CCDC7: variants seen among roughly 807,000 people sequenced by gnomAD.
The protein encoded by CCDC7 is coiled-coil domain containing 7, also known as coiled-coil domain-containing protein 7.
In CCDC7, 183 loss-of-function variants were observed where a neutral mutation model predicts 196.9. The ratio of observed to expected loss-of-function variants is 0.93; its 90% CI spans 0.82 to 1.05. CCDC7 has a LOEUF of 1.05. Among genes scored for constraint, CCDC7 ranks in the 50% least tolerant of loss-of-function variants. CCDC7 has a pLI of 0.00. For synonymous variants in CCDC7, 525 were observed against 484.6 expected, an observed-to-expected ratio of 1.08 and a Z score of -1.10; for missense variants, 1,540 against 1,482.2, an observed-to-expected ratio of 1.04 and a Z score of -0.64.
intron 25 of CCDC7, among the ~76,000 whole-genome samples, chr10:32,716,759 TA>T (rs2081648441): frequency 6.6e-6 from 1 of 152,146 alleles, no homozygotes; most frequent in Non-Finnish European, 1.5e-5. Flanking sequence ...TAGTCTCTAA[TA>T]AAACAGATTT....
At chr10:32,800,669 A>G (rs546240751) in intron 29 of CCDC7, among the ~76,000 whole-genome samples, 1 of 152,302 alleles carries the variant, frequency 6.6e-6, no homozygotes, top group South Asian at 2.1e-4. Context: ...GAAAGATGGA[A>G]GAAAGATTAA....
intron 13 of CCDC7, among the ~76,000 whole-genome samples, chr10:32,563,914 T>A (rs900967252): frequency 6.6e-6 from 1 of 152,094 alleles, no homozygotes; most frequent in African/African-American, 2.4e-5. Flanking sequence ...GACAAAGGGC[T>A]AATATCCAGA....
chr10:32,512,181 T>G (rs1157825114), intron 9 of CCDC7: 1 of 166,990 alleles, frequency 6.0e-6, no homozygotes. Context: ...AAGATATGAT[T>G]CCTTTTTGGT....
chr10:32,638,455 G>A (rs1489496756), intron 20 of CCDC7, among the ~76,000 whole-genome samples: 2 of 152,136 alleles, frequency 1.3e-5, no homozygotes, highest in Non-Finnish European at 2.9e-5. Context: ...GTTGAATTTT[G>A]TCAAAGGCCT....
intron 8 of CCDC7, among the ~76,000 whole-genome samples, chr10:32,484,775 G>A (rs1197859503): frequency 6.6e-6 from 1 of 152,102 alleles, no homozygotes; most frequent in Non-Finnish European, 1.5e-5. Flanking sequence ...TTTGTTGTTG[G>A]TTCTGTTTAT....
At chr10:32,464,845 C>T (rs1017111648) in intron 5 of CCDC7, among the ~76,000 whole-genome samples, 1 of 152,126 alleles carries the variant, frequency 6.6e-6, no homozygotes, top group South Asian at 2.1e-4. Flanking sequence ...ATTATTCTCT[C>T]TTGTATATTC....
intron 39 of CCDC7, among the ~76,000 whole-genome samples, chr10:32,850,092 T>C (rs1237927102): frequency 6.6e-6 from 1 of 152,148 alleles, no homozygotes; most frequent in South Asian, 2.1e-4. Context: ...ACCAGGATGT[T>C]CTTCACAGAA....
At chr10:32,653,789 A>G (rs1209886628) in intron 20 of CCDC7, among the ~76,000 whole-genome samples, 2 of 152,210 alleles carry the variant, frequency 1.3e-5, no homozygotes, top group African/African-American at 2.4e-5. Context: ...CAATTTGACT[A>G]TGATACATGT....
chr10:32,642,845 AG>A (rs1211618471), intron 20 of CCDC7, among the ~76,000 whole-genome samples: 6 of 152,208 alleles, frequency 3.9e-5, no homozygotes, highest in Admixed American at 3.9e-4. Context: ...TGTATCCTAG[AG>A]TATGGATGAT....
chr10:32,511,810 C>T (rs927268459), intron 9 of CCDC7: 58 of 1,037,340 alleles, frequency 5.6e-5, no homozygotes, highest in Middle Eastern at 6.0e-4. Flanking sequence ...GACAATGACG[C>T]GCCAGCTCTG....
At chr10:32,465,271 ATG>A (rs2036529256) in intron 5 of CCDC7, among the ~76,000 whole-genome samples, 1 of 152,188 alleles carries the variant, frequency 6.6e-6, no homozygotes, top group Admixed American at 6.5e-5. Flanking sequence ...GCCATGGAGC[ATG>A]TGTCACCCAT....
chr10:32,691,283 G>A (rs1342517302), intron 23 of CCDC7, among the ~76,000 whole-genome samples: 2 of 152,126 alleles, frequency 1.3e-5, no homozygotes, highest in Non-Finnish European at 2.9e-5. Context: ...AGGGCTATGT[G>A]TTGGTACCCA....
Position 32,600,614 on chromosome 10 carries a change from A to G in CCDC7, c.1801+16310A>G, listed in dbSNP as rs565728374. 7.4e-4 allele frequency among the ~76,000 whole-genome samples: 112 copies of G among 152,250 alleles called. 1 individual carries two copies. Among genetic ancestry groups the G allele is most frequent in the African/African-American group, 2.4e-3 (100 of 41,542 alleles). On this transcript the variant is annotated intron_variant, in intron 18 of 41. Transcript: ENST00000639629. ...CAACTTAATTTTAATAGCCTAGAGA[A>G]CCTCTGCTCGAGACTGCTCAATTCC...
intron 31 of CCDC7, among the ~76,000 whole-genome samples, chr10:32,817,341 A>G (rs1352944920): frequency 6.6e-6 from 1 of 152,236 alleles, no homozygotes; most frequent in African/African-American, 2.4e-5. Flanking sequence ...ACTACATGAA[A>G]AGACCAAATC....
intron 16 of CCDC7, among the ~76,000 whole-genome samples, chr10:32,582,106 C>CTATATATATATATATATATATATA (rs6143863): frequency 2.8e-4 from 29 of 103,772 alleles, no homozygotes; most frequent in African/African-American, 3.5e-4. Flanking sequence ...ACTGTCAGCA[C>CTATATATATATATATATATATATA]TATATATATA....
chr10:32,643,338 T>A (rs1213258337), intron 20 of CCDC7, among the ~76,000 whole-genome samples: 1 of 152,204 alleles, frequency 6.6e-6, no homozygotes, highest in Non-Finnish European at 1.5e-5. Context: ...TTTGTTAGTG[T>A]ATGTGTGGTG....
chr10:32,859,550 A>T (rs1450899780), intron 41 of CCDC7, among the ~76,000 whole-genome samples: 1 of 152,120 alleles, frequency 6.6e-6, no homozygotes, highest in Non-Finnish European at 1.5e-5. Flanking sequence ...CTAGCAGAAG[A>T]CAAGAAATAA....
chr10:32,531,184 G>T (rs547970875), intron 11 of CCDC7, among the ~76,000 whole-genome samples: 3 of 152,062 alleles, frequency 2.0e-5, no homozygotes, highest in African/African-American at 2.4e-5. Context: ...GTGCAATGGT[G>T]TGATTTTGGC....
chr10:32,742,878 A>C (rs928931265), intron 28 of CCDC7, among the ~76,000 whole-genome samples: 4 of 152,206 alleles, frequency 2.6e-5, no homozygotes, highest in African/African-American at 9.6e-5. Context: ...ATACAGTCAC[A>C]TTAGAGATTA....
Sources: gnomAD v4.1 joint callset for allele counts (sites outside exome capture counted in the v4.1 genomes callset) on GRCh38, gnomAD v4.1.1 for gene constraint, MANE v1.5 for transcripts, NCBI Gene and HGNC (gene_info 2026-07-23, HGNC 2026-07-21) for gene names.